The following CACNA1D variants were observed in gnomAD, a reference collection of about 807,000 sequenced individuals.
The protein encoded by CACNA1D is calcium voltage-gated channel subunit alpha1 D.
In CACNA1D, 55 loss-of-function variants were observed where a neutral mutation model predicts 257.1. The ratio of observed to expected loss-of-function variants is 0.21; its 90% CI spans 0.17 to 0.27. The LOEUF (loss-of-function observed/expected upper bound fraction) is 0.27, where lower values mean the gene tolerates loss of function less well. CACNA1D is among the 10% of genes least tolerant of loss of function. The pLI is 1.00. For synonymous variants in CACNA1D, 980 were observed against 1,014.9 expected (o/e 0.97, Z 0.65); for missense variants, 1,876 against 2,784.0 (o/e 0.67, Z 7.34).
intron 3 of CACNA1D, among the ~76,000 whole-genome samples, chr3:53,568,323 A>C (rs1276141787): frequency 6.6e-6 from 1 of 152,192 alleles, no homozygotes; most frequent in African/African-American, 2.4e-5. Context: ...TTGATGCTAC[A>C]TTCAGGACCA....
At chr3:53,529,653 G>A (rs1277551626) in intron 3 of CACNA1D, among the ~76,000 whole-genome samples, 1 of 152,206 alleles carries the variant, frequency 6.6e-6, no homozygotes, top group Non-Finnish European at 1.5e-5. Flanking sequence ...TCTCTGCTAA[G>A]TAACATGAGG....
At chr3:53,588,977 T>G (rs978056442) in intron 3 of CACNA1D, among the ~76,000 whole-genome samples, 2 of 152,236 alleles carry the variant, frequency 1.3e-5, no homozygotes, top group Non-Finnish European at 2.9e-5. Context: ...CGTGCTCGTC[T>G]TCATTTTGCA....
intron 3 of CACNA1D, among the ~76,000 whole-genome samples, chr3:53,641,732 T>C (rs917006455): frequency 6.6e-6 from 1 of 152,106 alleles, no homozygotes; most frequent in Non-Finnish European, 1.5e-5. Context: ...CCAGTTGAAA[T>C]TGAAGATGGC....
intron 3 of CACNA1D, among the ~76,000 whole-genome samples, chr3:53,569,641 A>G (rs1437366565): frequency 6.6e-6 from 1 of 152,184 alleles, no homozygotes; most frequent in Non-Finnish European, 1.5e-5. Context: ...AACTCTTACT[A>G]AATCTATTTG....
At chr3:53,718,615 C>T (rs934015776) in intron 10 of CACNA1D, 20 of 771,150 alleles carry the variant, frequency 2.6e-5, no homozygotes, top group Non-Finnish European at 4.0e-5. Context: ...ATTTCACATG[C>T]CTCTTCCTGT....
At chr3:53,757,912 G>T (rs1490020882) in intron 29 of CACNA1D, among the ~76,000 whole-genome samples, 1 of 152,176 alleles carries the variant, frequency 6.6e-6, no homozygotes, top group Non-Finnish European at 1.5e-5. Context: ...ATGCACCATC[G>T]TTACCAACAC....
chr3:53,568,032 C>T (rs2092877711), intron 3 of CACNA1D, among the ~76,000 whole-genome samples: 1 of 152,204 alleles, frequency 6.6e-6, no homozygotes, highest in East Asian at 1.9e-4. Context: ...AATTGAGCCT[C>T]AGGGTCCTCC....
chr3:53,535,723 T>A (rs1214768923), intron 3 of CACNA1D, among the ~76,000 whole-genome samples: 1 of 152,216 alleles, frequency 6.6e-6, no homozygotes, highest in Non-Finnish European at 1.5e-5. Context: ...AGATGAAAGC[T>A]GGGGCAGTTA....
rs573984371 is a variant in CACNA1D, at chr3:53,564,653, C to T, written c.483+62933C>T. ...TTTTTTTCTTTAGTTTTTAAATTAG[C>T]GTTTATGGAGTACTTTGTATATCCT... On this transcript the variant is annotated intron_variant, in intron 3 of 47. Coordinates refer to ENST00000350061, the MANE Select transcript of CACNA1D (RefSeq NM_001128840.3). 9.2e-5 allele frequency among the ~76,000 whole-genome samples: 14 copies of T among 152,134 alleles called. No homozygotes were observed. The South Asian group carries it at 1.7e-3, about 18-fold the overall frequency.
intron 14 of CACNA1D, among the ~76,000 whole-genome samples, chr3:53,724,652 TC>T (rs2094913974): frequency 6.6e-6 from 1 of 152,162 alleles, no homozygotes; most frequent in Non-Finnish European, 1.5e-5. Context: ...CTCAAAACCC[TC>T]CTCCTTGGAC....
intron 3 of CACNA1D, among the ~76,000 whole-genome samples, chr3:53,618,763 C>G (rs2093663910): frequency 6.6e-6 from 1 of 152,216 alleles, no homozygotes; most frequent in African/African-American, 2.4e-5. Context: ...TTGCTTCTGT[C>G]TGGCGCTTTA....
intron 3 of CACNA1D, among the ~76,000 whole-genome samples, chr3:53,623,428 G>A (rs772279915): frequency 6.6e-6 from 1 of 152,228 alleles, no homozygotes; most frequent in African/African-American, 2.4e-5. Flanking sequence ...ATGACAAGGT[G>A]TGTGATAAAG....
intron 3 of CACNA1D, among the ~76,000 whole-genome samples, chr3:53,563,645 A>G (rs1009632044): frequency 2.0e-5 from 3 of 151,856 alleles, no homozygotes; most frequent in Admixed American, 1.3e-4. Context: ...TGAAGTTTAT[A>G]TAAATGGAAT....
At position 53,587,348 on chromosome 3, in the gene CACNA1D, C is replaced by G. The variant is rs142168706; in HGVS notation, c.484-63431C>G. ...ATTATTTGGTTGTGGTAGAGGACAA[C>G]AGGTAATAGAGACTCAGGATTTTGG... On this transcript the variant is annotated intron_variant, in intron 3 of 47. Transcript: ENST00000350061. 5.3e-5 allele frequency among the ~76,000 whole-genome samples: 8 copies of G among 152,216 alleles called. No homozygotes were observed. The East Asian group carries it at 1.5e-3, about 29-fold the overall frequency.
At chr3:53,682,471 C>T (rs770980441) in intron 8 of CACNA1D, among the ~76,000 whole-genome samples, 1 of 145,318 alleles carries the variant, frequency 6.9e-6, no homozygotes, top group South Asian at 2.2e-4. Context: ...ACAGGAGGAT[C>T]GCTTGAGCCT....
At chr3:53,803,875 C>T (rs1225843928) in intron 44 of CACNA1D, among the ~76,000 whole-genome samples, 1 of 152,192 alleles carries the variant, frequency 6.6e-6, no homozygotes, top group Non-Finnish European at 1.5e-5. Flanking sequence ...TTTCCACCAC[C>T]CGTCTTTGGA....
intron 3 of CACNA1D, among the ~76,000 whole-genome samples, chr3:53,523,891 C>A (rs1204786040): frequency 1.3e-5 from 2 of 152,218 alleles, no homozygotes; most frequent in African/African-American, 4.8e-5. Flanking sequence ...TCAGCCTCCT[C>A]CACCAGACTC....
intron 9 of CACNA1D, among the ~76,000 whole-genome samples, chr3:53,715,693 G>T (rs556455898): frequency 1.3e-5 from 2 of 152,326 alleles, no homozygotes; most frequent in South Asian, 2.1e-4. Flanking sequence ...GTTAAACTTA[G>T]ATCTGGCCAA....
At chr3:53,538,167 T>TTTTTTTA (rs2092176301) in intron 3 of CACNA1D, among the ~76,000 whole-genome samples, 1 of 136,560 alleles carries the variant, frequency 7.3e-6, no homozygotes, top group Admixed American at 7.3e-5. Context: ...TTTTTTTTTT[T>TTTTTTTA]GACAGAGTCT....
Sources: gnomAD v4.1 joint callset for allele counts (sites outside exome capture counted in the v4.1 genomes callset) on GRCh38, gnomAD v4.1.1 for gene constraint, MANE v1.5 for transcripts, NCBI Gene and HGNC (gene_info 2026-07-23, HGNC 2026-07-21) for gene names.